Variants in MYO3B observed in about 807,000 individuals in gnomAD.
MYO3B encodes the protein myosin IIIB.
Under a neutral mutation model 174.6 loss-of-function variants are expected in MYO3B, and 156 were observed. The ratio of observed to expected loss-of-function variants is 0.89; its 90% confidence interval spans 0.78 to 1.02. The LOEUF is 1.02. Ranked by LOEUF, MYO3B falls within the 50% of genes least tolerant of loss-of-function variation. The pLI, the probability that MYO3B is intolerant of heterozygous loss-of-function variation, is 0.00. For synonymous variants in MYO3B, 563 were observed against 569.1 expected, an observed-to-expected ratio of 0.99 and a Z score of 0.15; for missense variants, 1,632 against 1,639.4, an observed-to-expected ratio of 1.00 and a Z score of 0.08.
Position 170,598,645 on chromosome 2 carries a change from G to T in MYO3B, c.3734-52983G>T, listed in dbSNP as rs114173731. Among the ~76,000 whole-genome samples the T allele has an allele frequency of 9.9e-3, 1,511 of 152,256 alleles. 32 individuals carry two copies. Among genetic ancestry groups the T allele is most frequent in the African/African-American group, 0.034 (1,404 of 41,542 alleles). ...TGAGACCACATGTGGTCTACCTGCT[G>T]GTGAGGGATGGCAGTAAGGACACAG... On this transcript the variant is annotated intron_variant, in intron 32 of 34. Coordinates refer to ENST00000408978, the MANE Select transcript of MYO3B (RefSeq NM_138995.5).
At chr2:170,443,799 A>C (rs528443639) in intron 22 of MYO3B, among the ~76,000 whole-genome samples, 168 bp from the exon 23 acceptor site, 1 of 151,612 alleles carries the variant, frequency 6.6e-6, no homozygotes, top group East Asian at 1.9e-4. Flanking sequence ...TAATTATTAT[A>C]ATTTATAATT....
At chr2:170,291,952 G>A (rs1336779872) in intron 7 of MYO3B, among the ~76,000 whole-genome samples, 1 of 152,038 alleles carries the variant, frequency 6.6e-6, no homozygotes, top group Non-Finnish European at 1.5e-5. Context: ...TGACCTTCCT[G>A]TACCTGGATA....
chr2:170,325,294 G>A (rs919379881), intron 7 of MYO3B, among the ~76,000 whole-genome samples: 5 of 151,644 alleles, frequency 3.3e-5, no homozygotes, highest in African/African-American at 4.8e-5. Context: ...TGCAACCTCC[G>A]CCTCCCAGGT....
chr2:170,326,800 G>A (rs922954600), intron 7 of MYO3B, among the ~76,000 whole-genome samples: 3 of 152,188 alleles, frequency 2.0e-5, no homozygotes, highest in African/African-American at 7.2e-5. Context: ...ATAGAGCTTG[G>A]TGACACCCCC....
At chr2:170,445,385 A>G (rs1456810402) in intron 23 of MYO3B, among the ~76,000 whole-genome samples, 5 of 151,962 alleles carry the variant, frequency 3.3e-5, no homozygotes, top group Admixed American at 6.6e-5. Context: ...CTTGTTGCCC[A>G]GGCTGGAGTG....
chr2:170,584,984 T>C lies in MYO3B; in HGVS notation c.3733+40996T>C, dbSNP rs113971649. Among the ~76,000 whole-genome samples the C allele has an allele frequency of 9.7e-3, 1,474 of 152,376 alleles. 24 individuals are homozygous for C. Among genetic ancestry groups the C allele is most frequent in the African/African-American group, 0.034 (1,401 of 41,586 alleles). Reference sequence around the variant, plus strand: ...TGCAGGTTCATGCTATTGACTGTTATTCCTCTCATGCAGCAGTTCTCAACC... The same window carrying C: ...TGCAGGTTCATGCTATTGACTGTTACTCCTCTCATGCAGCAGTTCTCAACC... On this transcript the variant is annotated intron_variant, in intron 32 of 34. Transcript: ENST00000408978.
At chr2:170,616,277 A>G (rs1695459507) in intron 32 of MYO3B, among the ~76,000 whole-genome samples, 2 of 152,150 alleles carry the variant, frequency 1.3e-5, no homozygotes, top group Admixed American at 1.3e-4. Flanking sequence ...CCACCTCCCC[A>G]TGCATCCGTT....
intron 3 of MYO3B, among the ~76,000 whole-genome samples, chr2:170,203,500 G>GT (rs2092684579): frequency 7.1e-6 from 1 of 141,836 alleles, no homozygotes; most frequent in East Asian, 2.0e-4. Flanking sequence ...GGGGGCGGCG[G>GT]GGGGGGGAGG....
chr2:170,254,428 G>A (rs1467100530), intron 7 of MYO3B, among the ~76,000 whole-genome samples: 1 of 152,120 alleles, frequency 6.6e-6, no homozygotes, highest in Non-Finnish European at 1.5e-5. Flanking sequence ...TTTCCTGCGG[G>A]ACTCGGGGGG....
rs2092990034 is a variant in MYO3B, at chr2:170,229,384, C to T, written c.604-6607C>T. Among the ~76,000 whole-genome samples, 5 of 152,112 alleles carry T rather than the reference C, an allele frequency of 3.3e-5. No homozygotes were observed. The South Asian group carries it at 1.0e-3, about 32-fold the overall frequency. On this transcript the variant is annotated intron_variant, in intron 6 of 34. Transcript: ENST00000408978. ...TAGCTCTTGAGATAACAGCATTTTGCCTGTGTACTTGAGTGAAATTTTAAT... is the reference window on the plus strand; with the variant it reads ...TAGCTCTTGAGATAACAGCATTTTGTCTGTGTACTTGAGTGAAATTTTAAT...
At chr2:170,545,516 T>C (rs1051925500) in intron 32 of MYO3B, among the ~76,000 whole-genome samples, 1 of 152,220 alleles carries the variant, frequency 6.6e-6, no homozygotes, top group Admixed American at 6.5e-5. Flanking sequence ...ATAAAGTTCT[T>C]TTTGTAAGGC....
chr2:170,625,279 C>T (rs996697756), intron 32 of MYO3B, among the ~76,000 whole-genome samples: 1 of 151,946 alleles, frequency 6.6e-6, no homozygotes, highest in Admixed American at 6.6e-5. Context: ...TCAGCTTCTT[C>T]CTGGTTTAGT....
In MYO3B at chr2:170,199,347, A is replaced by T. The variant is rs1346755203; in HGVS notation, c.142A>T (p.Arg48Ter). Reference protein sequence around the residue: ...YGKVYKVTNKRDGSLAAVKIL... With the variant: ...YGKVYKVTNK The stretch of plus-strand genomic sequence containing the variant: ...CAAAGTCTACAAGGTAACTAACAAG[A>T]GAGATGGGAGCCTGGCTGCAGTGAA... Residue 48 changes from arginine (R) to a stop codon, truncating the protein, a stop_gained, in exon 2 of 35, where the codon AGA becomes TGA. Transcript: ENST00000408978. LOFTEE classifies it high-confidence loss of function. 1 of 1,613,172 alleles carries T rather than the reference A, an allele frequency of 6.2e-7. No individual in the cohort carries two copies. The highest frequency in any genetic ancestry group is 1.7e-5 in the Admixed American group (1 of 59,860).
At chr2:170,391,482 C>A in intron 14 of MYO3B, 38 bp from the exon 15 acceptor site, 1 of 1,025,818 alleles carries the variant, frequency 9.7e-7, no homozygotes. Flanking sequence ...GATGGGGAAG[C>A]CAGAATATAT....
intron 25 of MYO3B, among the ~76,000 whole-genome samples, chr2:170,482,064 G>A (rs1245813191): frequency 2.6e-5 from 4 of 152,126 alleles, no homozygotes; most frequent in African/African-American, 9.7e-5. Context: ...GAATCATGGG[G>A]GCACATCTTT....
chr2:170,593,781 A>G (rs1693969383), intron 32 of MYO3B, among the ~76,000 whole-genome samples: 1 of 152,170 alleles, frequency 6.6e-6, no homozygotes, highest in South Asian at 2.1e-4. Flanking sequence ...TTGGCCTTCC[A>G]CTGTTTTGTT....
rs757290089 is a variant in MYO3B at position 170,501,869 on chromosome 2, A to C, written c.3370+4A>C. 6.3e-7 allele frequency: 1 copy of C among 1,590,676 alleles called. No homozygotes were observed. Among genetic ancestry groups the C allele is most frequent in the South Asian group, 1.1e-5 (1 of 89,896 alleles). Reference sequence around the variant, plus strand: ...TCTGCTGCTCATAATCAAGCAGGTAATTAAAACATCATTTTCACAGTGTCC... The same window carrying C: ...TCTGCTGCTCATAATCAAGCAGGTACTTAAAACATCATTTTCACAGTGTCC... On this transcript the variant is annotated splice_donor_region_variant and intron_variant, in intron 28 of 34. Transcript: ENST00000408978.
intron 24 of MYO3B, among the ~76,000 whole-genome samples, chr2:170,463,816 AC>A (rs1684454802): frequency 6.6e-6 from 1 of 151,972 alleles, no homozygotes; most frequent in Non-Finnish European, 1.5e-5. Flanking sequence ...CCCTTGTAAA[AC>A]CCACTTGTCT....
intron 1 of MYO3B, among the ~76,000 whole-genome samples, chr2:170,194,147 C>G (rs1366101990): frequency 2.0e-5 from 3 of 152,110 alleles, no homozygotes; most frequent in African/African-American, 7.2e-5. Flanking sequence ...CTGTTGTTGT[C>G]TTTATACTTC....
Sources: gnomAD v4.1 joint callset for allele counts (sites outside exome capture counted in the v4.1 genomes callset) on GRCh38, gnomAD v4.1.1 for gene constraint, MANE v1.5 for transcripts, NCBI Gene and HGNC (gene_info 2026-07-23, HGNC 2026-07-21) for gene names.